The following LMBR1 variants were observed in gnomAD, a reference collection of about 807,000 sequenced individuals.
LMBR1 encodes limb region 1 protein homolog.
A neutral mutation model predicts 73.9 loss-of-function variants in LMBR1; 52 were observed. The observed-to-expected ratio is 0.70, with a 90% CI of 0.56 to 0.89. LMBR1 has a LOEUF of 0.89. Among genes scored for constraint, LMBR1 ranks in the 40% least tolerant of loss-of-function variants. LMBR1 has a pLI of 0.00. For missense variants in LMBR1, 539 were observed against 579.8 expected, an observed-to-expected ratio of 0.93 and a Z score of 0.72; for synonymous variants, 215 against 209.4, an observed-to-expected ratio of 1.03 and a Z score of -0.23.
intron 15 of LMBR1, among the ~76,000 whole-genome samples, chr7:156,692,903 A>G (rs1259241379): frequency 6.6e-6 from 1 of 152,232 alleles, no homozygotes; most frequent in Non-Finnish European, 1.5e-5. Flanking sequence ...GGAAAGATAA[A>G]ACTTGCTAAG....
At chr7:156,759,773 C>T (rs925854416) in intron 8 of LMBR1, among the ~76,000 whole-genome samples, 11 of 151,094 alleles carry the variant, frequency 7.3e-5, no homozygotes, top group East Asian at 4.0e-4. Context: ...TAGAAGGGTG[C>T]GACTGGCAAA....
intron 5 of LMBR1, among the ~76,000 whole-genome samples, chr7:156,785,442 A>G (rs149084946): frequency 3.0e-4 from 46 of 152,338 alleles, no homozygotes; most frequent in African/African-American, 1.0e-3. Flanking sequence ...CGCAAGCCAA[A>G]TAAGACCCAG....
intron 15 of LMBR1, among the ~76,000 whole-genome samples, chr7:156,698,944 C>T (rs1808981640): frequency 6.6e-6 from 1 of 152,162 alleles, no homozygotes; most frequent in Non-Finnish European, 1.5e-5. Context: ...TGCTGTTTTC[C>T]TTTTAAAACT....
At chr7:156,750,284 G>A (rs777742075) in intron 9 of LMBR1, among the ~76,000 whole-genome samples, 1 of 145,158 alleles carries the variant, frequency 6.9e-6, no homozygotes. Context: ...TTAAGTGTGC[G>A]TGTGTGTGTG....
chr7:156,758,125 T>C (rs1428128994), intron 8 of LMBR1, among the ~76,000 whole-genome samples: 2 of 152,172 alleles, frequency 1.3e-5, no homozygotes, highest in African/African-American at 2.4e-5. Context: ...TGCTGGAATG[T>C]GAGCTACTCC....
intron 15 of LMBR1, among the ~76,000 whole-genome samples, chr7:156,718,785 C>A (rs927392722): frequency 4.0e-5 from 6 of 151,732 alleles, no homozygotes; most frequent in Non-Finnish European, 7.4e-5. Flanking sequence ...GGTCTTTATT[C>A]TTAGGACAAA....
At chr7:156,889,948 G>T (rs1482916574) in intron 1 of LMBR1, among the ~76,000 whole-genome samples, 1 of 152,150 alleles carries the variant, frequency 6.6e-6, no homozygotes, top group Non-Finnish European at 1.5e-5. Context: ...AGGCTGCAGT[G>T]AGCCATGATT....
At chr7:156,720,474 A>T (rs1490859096) in intron 15 of LMBR1, among the ~76,000 whole-genome samples, 2 of 152,140 alleles carry the variant, frequency 1.3e-5, no homozygotes, top group Non-Finnish European at 2.9e-5. Context: ...AGATATCAGG[A>T]ATATGAGTTT....
intron 4 of LMBR1, among the ~76,000 whole-genome samples, chr7:156,824,812 T>C (rs1835390336): frequency 6.6e-6 from 1 of 151,070 alleles, no homozygotes; most frequent in Admixed American, 6.6e-5. Context: ...GTCACTGCAC[T>C]CTAGGCTAGG....
At chr7:156,764,296 A>C (rs1321809345) in intron 5 of LMBR1, among the ~76,000 whole-genome samples, 1 of 152,230 alleles carries the variant, frequency 6.6e-6, no homozygotes, top group Non-Finnish European at 1.5e-5. Context: ...GTAATCCAGC[A>C]TTATAAACTA....
At chr7:156,864,681 C>G (rs905531434) in intron 1 of LMBR1, among the ~76,000 whole-genome samples, 1 of 152,066 alleles carries the variant, frequency 6.6e-6, no homozygotes, top group African/African-American at 2.4e-5. Flanking sequence ...TAGCAATAAG[C>G]AATCTGAAAA....
At chr7:156,757,483 G>C (rs1347963076) in intron 8 of LMBR1, among the ~76,000 whole-genome samples, 2 of 152,168 alleles carry the variant, frequency 1.3e-5, no homozygotes, top group East Asian at 1.9e-4. Flanking sequence ...AATTGTATGG[G>C]ATATTGTCTG....
At chr7:156,866,228 A>C (rs1489920276) in intron 1 of LMBR1, among the ~76,000 whole-genome samples, 2 of 152,190 alleles carry the variant, frequency 1.3e-5, no homozygotes, top group Non-Finnish European at 2.9e-5. Flanking sequence ...AGTGACAACG[A>C]AACTCTCCAA....
intron 5 of LMBR1, among the ~76,000 whole-genome samples, chr7:156,778,780 G>A (rs1826599511): frequency 6.6e-6 from 1 of 152,156 alleles, no homozygotes; most frequent in Non-Finnish European, 1.5e-5. Context: ...ACTTTTGGAT[G>A]CCATTCTGAC....
Position 156,683,977 on chromosome 7 carries a change from GA to G in LMBR1, c.*100del. 5 of 932,972 alleles carry G rather than the reference GA, an allele frequency of 5.4e-6. No individual in the cohort carries two copies. Among genetic ancestry groups the G allele is most frequent in the Non-Finnish European group, 8.5e-6 (5 of 588,006 alleles). 57.8% of individuals were successfully genotyped at this position (932,972 alleles called of 1,614,324 possible). Reference sequence around the variant, plus strand: ...GGCACTGATAGGTCTAGGTTCTGAAGAGGGGCCACGGTTGAATGGAAATGCT... The same window carrying G: ...GGCACTGATAGGTCTAGGTTCTGAAGGGGGCCACGGTTGAATGGAAATGCT... On this transcript the variant is annotated 3_prime_UTR_variant, in exon 17 of 17. Transcript: ENST00000353442.
intron 1 of LMBR1, among the ~76,000 whole-genome samples, chr7:156,855,683 A>C (rs1488478968): frequency 6.6e-6 from 1 of 151,320 alleles, no homozygotes; most frequent in Non-Finnish European, 1.5e-5. Context: ...AAAAAAAAAA[A>C]AAAACCTATG....
chr7:156,752,209 T>C (rs1047898995), intron 9 of LMBR1, among the ~76,000 whole-genome samples: 4 of 152,162 alleles, frequency 2.6e-5, no homozygotes, highest in South Asian at 2.1e-4. Flanking sequence ...TGGCATTTCA[T>C]AGAACAGTGG....
At chr7:156,797,365 T>C (rs1028587670) in intron 4 of LMBR1, among the ~76,000 whole-genome samples, 31 of 152,240 alleles carry the variant, frequency 2.0e-4, no homozygotes, top group African/African-American at 6.8e-4. Flanking sequence ...ATGATGGTGA[T>C]AATCATTACA....
chr7:156,746,009 G>A (rs1212286886), intron 9 of LMBR1, among the ~76,000 whole-genome samples: 1 of 152,090 alleles, frequency 6.6e-6, no homozygotes, highest in African/African-American at 2.4e-5. Flanking sequence ...TGAGTTTCTG[G>A]CAGCCACAGC....
Sources: gnomAD v4.1 joint callset for allele counts (sites outside exome capture counted in the v4.1 genomes callset) on GRCh38, gnomAD v4.1.1 for gene constraint, MANE v1.5 for transcripts, NCBI Gene and HGNC (gene_info 2026-07-23, HGNC 2026-07-21) for gene names.